COL22A1: variants seen among roughly 807,000 people sequenced by gnomAD.
COL22A1 encodes collagen type XXII alpha 1 chain.
Under a neutral mutation model 248.9 loss-of-function variants are expected in COL22A1, and 221 were observed. The observed-to-expected ratio is 0.89, with a 90% CI of 0.80 to 0.99. COL22A1 has a LOEUF of 0.99. Ranked by LOEUF, COL22A1 falls within the 50% of genes least tolerant of loss-of-function variation. The pLI, the probability that COL22A1 is intolerant of heterozygous loss-of-function variation, is 0.00. For missense variants in COL22A1, 2,240 were observed against 2,179.0 expected (o/e 1.03, Z -0.56); for synonymous variants, 891 against 793.4 (o/e 1.12, Z -2.07).
intron 16 of COL22A1, among the ~76,000 whole-genome samples, chr8:138,774,782 A>G (rs73719988): frequency 0.011 from 1,657 of 152,316 alleles, 37 homozygotes; most frequent in African/African-American, 0.038. Flanking sequence ...GGGAATGGGT[A>G]CCTGAATTAT....
intron 51 of COL22A1, among the ~76,000 whole-genome samples, chr8:138,625,865 T>C (rs1820195035): frequency 6.6e-6 from 1 of 152,194 alleles, no homozygotes; most frequent in South Asian, 2.1e-4. Context: ...TATATATGTG[T>C]GTGTGTTTTG....
chr8:138,648,842 A>T (rs1468636119), intron 46 of COL22A1, among the ~76,000 whole-genome samples: 1 of 152,042 alleles, frequency 6.6e-6, no homozygotes, highest in East Asian at 1.9e-4. Flanking sequence ...GACAAATAGC[A>T]CTGTCAAGAC....
intron 51 of COL22A1, among the ~76,000 whole-genome samples, chr8:138,625,344 G>A (rs1038002299): frequency 1.3e-5 from 2 of 152,040 alleles, no homozygotes; most frequent in Non-Finnish European, 2.9e-5. Flanking sequence ...AATCCAGTGT[G>A]GCTGGAACAA....
intron 16 of COL22A1, among the ~76,000 whole-genome samples, chr8:138,767,597 C>G (rs1366562124): frequency 6.6e-6 from 1 of 152,356 alleles, no homozygotes; most frequent in African/African-American, 2.4e-5. Flanking sequence ...GACCTCTGCT[C>G]TGAGAACCAA....
chr8:138,627,240 G>A (rs1001872219), intron 50 of COL22A1, among the ~76,000 whole-genome samples: 1 of 152,122 alleles, frequency 6.6e-6, no homozygotes, highest in Non-Finnish European at 1.5e-5. Context: ...AGCTTCCTGG[G>A]TTCCTTCCTG....
intron 46 of COL22A1, among the ~76,000 whole-genome samples, chr8:138,647,766 T>G (rs1822339950): frequency 6.6e-6 from 1 of 152,146 alleles, no homozygotes; most frequent in South Asian, 2.1e-4. Context: ...AGAATCACTG[T>G]GTAGCAGTTG....
intron 7 of COL22A1, among the ~76,000 whole-genome samples, chr8:138,818,156 G>A (rs1818829584): frequency 6.6e-6 from 1 of 152,158 alleles, no homozygotes; most frequent in Non-Finnish European, 1.5e-5. Flanking sequence ...ATCCTTGTCT[G>A]TAGAGTAAAT....
rs183797797 is a variant in COL22A1 at position 138,768,797 on chromosome 8, C to T, written c.1804-6331G>A. ...CTAAAAATACAAAAAATTAGCTGGGCGTGCTGGTGGGTGCCTATAATCCCA... is the reference window on the plus strand; with the variant it reads ...CTAAAAATACAAAAAATTAGCTGGGTGTGCTGGTGGGTGCCTATAATCCCA... On this transcript the variant is annotated intron_variant, in intron 16 of 64. Coordinates refer to ENST00000303045, the MANE Select transcript of COL22A1 (RefSeq NM_152888.3). Among the ~76,000 whole-genome samples, 5 of 152,130 alleles carry T rather than the reference C, an allele frequency of 3.3e-5. No homozygotes were observed. The East Asian group carries it at 7.7e-4, about 24-fold the overall frequency.
intron 3 of COL22A1, among the ~76,000 whole-genome samples, chr8:138,853,583 G>C (rs1821796495): frequency 6.6e-6 from 1 of 152,168 alleles, no homozygotes; most frequent in African/African-American, 2.4e-5. Flanking sequence ...CCATGAGAGA[G>C]CATGTGGACT....
chr8:138,713,083 AC>A (rs1198966635), intron 30 of COL22A1, among the ~76,000 whole-genome samples: 4 of 152,172 alleles, frequency 2.6e-5, no homozygotes, highest in Non-Finnish European at 4.4e-5. Context: ...AACTGTCTGG[AC>A]TCACACCCAC....
intron 62 of COL22A1, among the ~76,000 whole-genome samples, chr8:138,595,696 G>A (rs747628789): frequency 8.5e-5 from 13 of 152,108 alleles, no homozygotes; most frequent in Non-Finnish European, 1.8e-4. Context: ...GACACTCCAA[G>A]AGGACAGGAA....
intron 47 of COL22A1, among the ~76,000 whole-genome samples, chr8:138,643,534 A>G (rs1821905866): frequency 6.6e-6 from 1 of 152,062 alleles, no homozygotes; most frequent in Non-Finnish European, 1.5e-5. Context: ...GCCTAGGGTA[A>G]GGAAAGTGAA....
At chr8:138,640,624 G>A (rs993239479) in intron 47 of COL22A1, among the ~76,000 whole-genome samples, 3 of 152,028 alleles carry the variant, frequency 2.0e-5, no homozygotes, top group East Asian at 1.9e-4. Flanking sequence ...TCTTTCAGTC[G>A]TTTACTCTTC....
chr8:138,842,813 G>A (rs1820980644), intron 4 of COL22A1, among the ~76,000 whole-genome samples: 1 of 152,218 alleles, frequency 6.6e-6, no homozygotes, highest in Non-Finnish European at 1.5e-5. Flanking sequence ...GACAGTGATA[G>A]CACCCCACTG....
intron 1 of COL22A1, among the ~76,000 whole-genome samples, chr8:138,912,624 T>G (rs939359736): frequency 1.3e-5 from 2 of 151,966 alleles, no homozygotes; most frequent in African/African-American, 4.8e-5. Context: ...CCTGTAATCC[T>G]AGCTACTCAG....
chr8:138,636,079 G>T (rs1378123182), intron 48 of COL22A1, among the ~76,000 whole-genome samples: 1 of 152,168 alleles, frequency 6.6e-6, no homozygotes, highest in East Asian at 1.9e-4. Flanking sequence ...TGGGAGAGGA[G>T]AGAAAAGAGA....
At chr8:138,883,294 T>A in intron 1 of COL22A1, 50 bp from the exon 2 acceptor site, 1 of 1,022,126 alleles carries the variant, frequency 9.8e-7, no homozygotes, top group Non-Finnish European at 1.4e-6. Context: ...TGAAAGTCTG[T>A]GAGAGGCAAA....
Position 138,663,594 on chromosome 8 carries a change from A to G in COL22A1, c.3186+111T>C, listed in dbSNP as rs963004023. On this transcript the variant is annotated intron_variant, in intron 42 of 64. Coordinates refer to ENST00000303045, the MANE Select transcript of COL22A1 (RefSeq NM_152888.3). ...ACAGTCTGCACTGTTCAATAATAGG[A>G]GGAAATTTCAGAATCTACTTCAGTT... 5 of 823,312 alleles carry G rather than the reference A, an allele frequency of 6.1e-6. No individual in the cohort carries two copies. In the Admixed American group the frequency reaches 6.9e-5, roughly 11 times the overall value. The allele number at this position is 823,312 out of a possible 1,614,324, so 51.0% of individuals were successfully genotyped here. A position where few individuals can be genotyped will look rare whatever the true frequency, so the allele number is the denominator to read the frequency against.
intron 3 of COL22A1, among the ~76,000 whole-genome samples, chr8:138,873,991 C>A (rs1382841850): frequency 6.6e-6 from 1 of 152,158 alleles, no homozygotes; most frequent in Non-Finnish European, 1.5e-5. Context: ...CTGTGAAGTC[C>A]CCCACAGGCA....
Sources: gnomAD v4.1 joint callset for allele counts (sites outside exome capture counted in the v4.1 genomes callset) on GRCh38, gnomAD v4.1.1 for gene constraint, MANE v1.5 for transcripts, NCBI Gene and HGNC (gene_info 2026-07-23, HGNC 2026-07-21) for gene names.